Variants in OR1D2 observed in about 807,000 individuals in gnomAD.
The protein encoded by OR1D2 is olfactory receptor 1D2.
For synonymous variants in OR1D2, 157 were observed against 153.9 expected (o/e 1.02, Z -0.15); for missense variants, 357 against 376.1 (o/e 0.95, Z 0.42).
chr17:3,095,414 T>G (rs1301176818), intron 1 of OR1D2, among the ~76,000 whole-genome samples: 1 of 152,110 alleles, frequency 6.6e-6, no homozygotes, highest in African/African-American at 2.4e-5. Flanking sequence ...TCAGCAAAAC[T>G]ATCTTTAAAA....
chr17:3,091,492 G>A lies in OR1D2; in HGVS notation c.*566C>T, dbSNP rs377549490. 21 of 152,740 alleles carry A rather than the reference G, an allele frequency of 1.4e-4. No individual in the cohort carries two copies. The highest frequency in any genetic ancestry group is 2.1e-4 in the South Asian group (1 of 4,840). 9.5% of individuals were successfully genotyped at this position (152,740 alleles called of 1,614,324 possible). A position where few individuals can be genotyped will look rare whatever the true frequency, so the allele number is the denominator to read the frequency against. ...TTAATGTAAATTTATGTACTTCCCC[G>A]AGTAGACTGTGACCTCACATTTGTA... On this transcript the variant is annotated 3_prime_UTR_variant, in exon 2 of 2. Coordinates refer to ENST00000641833, the MANE Select transcript of OR1D2 (RefSeq NM_002548.3).
chr17:3,102,361 G>A (rs973858377), intron 1 of OR1D2, among the ~76,000 whole-genome samples: 1 of 152,186 alleles, frequency 6.6e-6, no homozygotes, highest in African/African-American at 2.4e-5. Context: ...AGGTGGCATA[G>A]TGGAAGGAGA....
Position 3,091,971 on chromosome 17 carries a change from ACTGCTG to A in OR1D2, c.*81_*86del. On this transcript the variant is annotated 3_prime_UTR_variant, in exon 2 of 2. Coordinates refer to ENST00000641833, the MANE Select transcript of OR1D2 (RefSeq NM_002548.3). ...TCTGAGCTGGAGCCATGTCCCAATC[ACTGCTG>A]TATAACACACAGGACAATCCCTTAC... 1.0e-6 allele frequency: 1 copy of A among 970,050 alleles called. No homozygotes were observed. The highest frequency in any genetic ancestry group is 1.6e-6 in the Non-Finnish European group (1 of 636,632). 60.1% of individuals were successfully genotyped at this position (970,050 alleles called of 1,614,324 possible). A position where few individuals can be genotyped will look rare whatever the true frequency, so the allele number is the denominator to read the frequency against.
Position 3,092,210 on chromosome 17 carries a change from G to T in OR1D2, c.787C>A (p.Leu263Ile). 1 of 1,614,172 alleles carries T rather than the reference G, an allele frequency of 6.2e-7. No homozygotes were observed. The highest frequency in any genetic ancestry group is 8.5e-7 in the Non-Finnish European group (1 of 1,180,026). The change falls in exon 2 of 2, where the codon CTC (leucine) becomes ATC (isoleucine). Residue 263 changes from leucine (L) to isoleucine (I), a missense_variant. Transcript: ENST00000641833. ...GTLCMVYLKP[L>I]HTYSVKDSVA... ...GAGTCCTTCACAGAGTAGGTATGGA[G>T]GGGCTTTAGGTATACCATACAAAGT...
chr17:3,099,154 T>C (rs1050709796), intron 1 of OR1D2, among the ~76,000 whole-genome samples: 1 of 151,972 alleles, frequency 6.6e-6, no homozygotes, highest in East Asian at 1.9e-4. Context: ...CAGGCCAACA[T>C]GCAAATTCAG....
At position 3,091,609 on chromosome 17, in the gene OR1D2, C is replaced by T. The variant is rs182672585; in HGVS notation, c.*449G>A. 52 of 163,756 alleles carry T rather than the reference C, an allele frequency of 3.2e-4. No individual in the cohort carries two copies. The highest frequency in any genetic ancestry group is 6.5e-3 in the Middle Eastern group (2 of 308). 10.1% of individuals were successfully genotyped at this position (163,756 alleles called of 1,614,324 possible). ...GTCAAATGAATTGAACACCACCTGT[C>T]GAGGTCTATATCACGTGCTGGATCA... On this transcript the variant is annotated 3_prime_UTR_variant, in exon 2 of 2. Coordinates refer to ENST00000641833, the MANE Select transcript of OR1D2 (RefSeq NM_002548.3).
chr17:3,103,303 C>T (rs1010020441), intron 1 of OR1D2, among the ~76,000 whole-genome samples: 16 of 152,134 alleles, frequency 1.1e-4, no homozygotes, highest in African/African-American at 2.7e-4. Context: ...TGCAGTGGCA[C>T]GATCTCGGCT....
intron 1 of OR1D2, among the ~76,000 whole-genome samples, chr17:3,096,290 T>C (rs1346017889): frequency 6.6e-6 from 1 of 152,190 alleles, no homozygotes; most frequent in East Asian, 1.9e-4. Flanking sequence ...AGGCAGAGAC[T>C]GTCAGAGTGG....
At chr17:3,096,607 T>G (rs2047845779) in intron 1 of OR1D2, among the ~76,000 whole-genome samples, 4 of 152,074 alleles carry the variant, frequency 2.6e-5, no homozygotes, top group Non-Finnish European at 5.9e-5. Flanking sequence ...TTAAAGAGAG[T>G]TTAAGTCAAA....
intron 1 of OR1D2, among the ~76,000 whole-genome samples, chr17:3,095,810 T>A (rs1173548102): frequency 4.6e-5 from 7 of 152,060 alleles, no homozygotes; most frequent in Non-Finnish European, 7.4e-5. Flanking sequence ...ATGTATAACA[T>A]GTTTGTCGAT....
At position 3,092,051 on chromosome 17, in the gene OR1D2, A is replaced by G. The variant is rs761768837; in HGVS notation, c.*7T>C. ...CTCCACTTTAATGCTGTCTTTCCAA[A>G]TTGCCCTCATGTCAGCCTCTTAAAG... On this transcript the variant is annotated 3_prime_UTR_variant, in exon 2 of 2. Coordinates refer to ENST00000641833, the MANE Select transcript of OR1D2 (RefSeq NM_002548.3). 59 of 1,592,162 alleles carry G rather than the reference A, an allele frequency of 3.7e-5. No homozygotes were observed. The highest frequency in any genetic ancestry group is 1.9e-5 in the Non-Finnish European group (22 of 1,167,780).
chr17:3,098,463 C>G (rs913324852), intron 1 of OR1D2, among the ~76,000 whole-genome samples: 4 of 152,096 alleles, frequency 2.6e-5, no homozygotes, highest in Non-Finnish European at 5.9e-5. Context: ...CAGAAAGCAA[C>G]AACAGCAGCA....
At position 3,091,080 on chromosome 17, in the gene OR1D2, A is replaced by G. The variant is rs149043969; in HGVS notation, c.*978T>C. On this transcript the variant is annotated 3_prime_UTR_variant, in exon 2 of 2. Transcript: ENST00000641833. ...CAGAGTTTTTTCTACAATGTTCAAT[A>G]TGGTGTTTTTTCTACTTCTGTGTAC... is the stretch of plus-strand genomic sequence containing the variant. 3 of 152,190 alleles carry G rather than the reference A, an allele frequency of 2.0e-5. No homozygotes were observed. Among genetic ancestry groups the G allele is most frequent in the East Asian group, 3.9e-4 (2 of 5,166 alleles). 9.4% of individuals were successfully genotyped at this position (152,190 alleles called of 1,614,324 possible).
At chr17:3,093,116 A>G in intron 1 of OR1D2, 70 bp from the exon 2 acceptor site, 1 of 898,380 alleles carries the variant, frequency 1.1e-6, no homozygotes, top group Non-Finnish European at 1.7e-6. Flanking sequence ...TCTTACACCC[A>G]ATTTTATAAT....
In OR1D2 at chr17:3,094,011, A is replaced by C. The variant is rs188955487; in HGVS notation, c.-50-965T>G. On this transcript the variant is annotated intron_variant, in intron 1 of 1. Transcript: ENST00000641833. ...GAAAAACATTGAATAAAAGAATAAC[A>C]GGGTGATGCTTGCACATCAAATATT... is the stretch of plus-strand genomic sequence containing the variant. Among the ~76,000 whole-genome samples, 12 of 152,336 alleles carry C rather than the reference A, an allele frequency of 7.9e-5. No individual in the cohort carries two copies. In the East Asian group the frequency reaches 2.3e-3, roughly 29 times the overall value.
intron 1 of OR1D2, among the ~76,000 whole-genome samples, chr17:3,093,653 C>G (rs911220489): frequency 6.6e-6 from 1 of 152,070 alleles, no homozygotes; most frequent in Non-Finnish European, 1.5e-5. Context: ...GCAATTAGCA[C>G]TCAGAAATGT....
Position 3,092,637 on chromosome 17 carries a change from A to T in OR1D2, c.360T>A (p.Tyr120Ter). Residue 120 changes from tyrosine to a stop codon, truncating the protein, a stop_gained, in exon 2 of 2, where the codon TAT (tyrosine) becomes TAA (stop). Transcript: ENST00000641833. LOFTEE classifies it low-confidence loss of function (END_TRUNC). ...GGCAGCAGATGGCCACATAGCGGTCATATGCCATCACAGCCAGGATGAGGT... is the reference window on the plus strand; with the variant it reads ...GGCAGCAGATGGCCACATAGCGGTCTTATGCCATCACAGCCAGGATGAGGT... Reference protein sequence around the residue: ...LDNLILAVMAYDRYVAICCPL... With the variant: ...LDNLILAVMA 2 of 1,614,144 alleles carry T rather than the reference A, an allele frequency of 1.2e-6. No individual in the cohort carries two copies. The highest frequency in any genetic ancestry group is 1.7e-6 in the Non-Finnish European group (2 of 1,180,024).
intron 1 of OR1D2, among the ~76,000 whole-genome samples, chr17:3,094,880 A>G (rs2047835901): frequency 6.6e-6 from 1 of 152,164 alleles, no homozygotes. Flanking sequence ...AGTAACTGAA[A>G]TGAAGATTTT....
rs773576538 is a variant in OR1D2, at chr17:3,092,073, A to G, written c.924T>C (p.Phe308=). 10 of 1,609,474 alleles carry G rather than the reference A, an allele frequency of 6.2e-6. No individual in the cohort carries two copies. The highest frequency in any genetic ancestry group is 8.5e-6 in the Non-Finnish European group (10 of 1,178,020). ...GALGRLLDKH[F]KRLT ...CAAATTGCCCTCATGTCAGCCTCTT[A>G]AAGTGTTTATCTAGGAGTCTTCCCA... The change falls in exon 2 of 2, where the codon TTT becomes TTC. Residue 308 remains phenylalanine (F), a synonymous_variant. Transcript: ENST00000641833.
Sources: gnomAD v4.1 joint callset for allele counts (sites outside exome capture counted in the v4.1 genomes callset) on GRCh38, gnomAD v4.1.1 for gene constraint, MANE v1.5 for transcripts, NCBI Gene and HGNC (gene_info 2026-07-23, HGNC 2026-07-21) for gene names.